The following DHCR7 variants were observed in gnomAD, a reference collection of about 807,000 sequenced individuals.
The protein encoded by DHCR7 is 7-dehydrocholesterol reductase, also known as 7-DHC reductase.
DHCR7 carries 40 observed loss-of-function variants against 43.3 expected under a neutral mutation model. The ratio of observed to expected loss-of-function variants is 0.92; its 90% CI spans 0.72 to 1.20. The LOEUF (loss-of-function observed/expected upper bound fraction) is 1.20. DHCR7 is among the 50% of genes most tolerant of loss of function. The pLI is 0.00. For missense variants in DHCR7, 608 were observed against 644.6 expected (o/e 0.94, Z 0.62); for synonymous variants, 298 against 271.4 (o/e 1.10, Z -0.96).
intron 3 of DHCR7, 78 bp downstream of exon 3, chr11:71,444,777 G>T: frequency 7.8e-7 from 1 of 1,288,214 alleles, no homozygotes; most frequent in Non-Finnish European, 1.1e-6. Flanking sequence ...ATTCCTTTGG[G>T]TCCATACAAT....
intron 5 of DHCR7, 138 bp downstream of exon 5, chr11:71,442,124 TG>T: frequency 1.4e-6 from 1 of 705,308 alleles, no homozygotes; most frequent in Non-Finnish European, 2.5e-6. Context: ...TTTTGAGGCC[TG>T]GTGCTGTGAA....
Position 71,438,891 on chromosome 11 carries a change from G to C in DHCR7, c.819C>G (p.Val273=). The change falls in exon 7 of 9, where the codon GTC becomes GTG. Residue 273 remains valine, a synonymous_variant. Coordinates refer to ENST00000355527, the MANE Select transcript of DHCR7 (RefSeq NM_001360.3). The part of the protein sequence containing the change: ...HSHVTNAMVL[V]NVLQAIYVID... ...CCATGACAGGCACCTGCAGGACGTTGACCAGGACCATGGCATTGGTCACAT... is the reference window on the plus strand; with the variant it reads ...CCATGACAGGCACCTGCAGGACGTTCACCAGGACCATGGCATTGGTCACAT... The C allele has an allele frequency of 1.2e-6, 2 of 1,613,776 alleles. No homozygotes were observed.
At chr11:71,431,109 T>A (rs1291155763), downstream of DHCR7, among the ~76,000 whole-genome samples, 1 of 152,096 alleles carries the variant, frequency 6.6e-6, no homozygotes, top group Non-Finnish European at 1.5e-5. Flanking sequence ...GAGCAGAGAT[T>A]GCGCCACTGC....
chr11:71,428,527 T>C (rs1216121090), exon 3 of DHCR7: 1 of 175,238 alleles, frequency 5.7e-6, no homozygotes, highest in African/African-American at 2.4e-5. Context: ...CTTTTCACGG[T>C]TTTTTTGCAC....
Position 71,444,140 on chromosome 11 carries a change from G to T in DHCR7, c.174C>A (p.Ile58=), listed in dbSNP as rs1280060597. ...LFAPFIVYYF[I]MACDQYSCAL... ...CGCAGCTGTACTGGTCACAAGCCAT[G>T]ATGAAGTAGTAGACGATGAAGGGGG... Residue 58 remains isoleucine (I), a synonymous_variant, in exon 4 of 9, where the codon ATC becomes ATA. Coordinates refer to ENST00000355527, the MANE Select transcript of DHCR7 (RefSeq NM_001360.3). The T allele has an allele frequency of 6.2e-7, 1 of 1,611,860 alleles. No homozygotes were observed. The highest frequency in any genetic ancestry group is 8.5e-7 in the Non-Finnish European group (1 of 1,178,926).
intron 2 of DHCR7, among the ~76,000 whole-genome samples, chr11:71,445,192 G>GTC (rs1272504810): frequency 6.6e-6 from 1 of 152,188 alleles, no homozygotes; most frequent in East Asian, 1.9e-4. Flanking sequence ...GCTCTTGCTA[G>GTC]TCTCAGTTCA....
chr11:71,446,083 A>G (rs1949400263), intron 2 of DHCR7, among the ~76,000 whole-genome samples: 1 of 152,214 alleles, frequency 6.6e-6, no homozygotes, highest in Non-Finnish European at 1.5e-5. Flanking sequence ...GCTATGCAGC[A>G]GGACTAACCA....
At chr11:71,430,808 T>C (rs1168469332), downstream of DHCR7, among the ~76,000 whole-genome samples, 2 of 152,180 alleles carry the variant, frequency 1.3e-5, no homozygotes, top group Admixed American at 6.5e-5. Context: ...CTGGAGTCTT[T>C]ATAGGTACAG....
At chr11:71,431,136 CAG>C, downstream of DHCR7, among the ~76,000 whole-genome samples, 1 of 152,242 alleles carries the variant, frequency 6.6e-6, no homozygotes, top group African/African-American at 2.4e-5. Flanking sequence ...GCCTGGGTGA[CAG>C]AGCAAGACTC....
In DHCR7 at chr11:71,438,870, G is replaced by C; in HGVS notation, c.831+9C>G. 6.2e-7 allele frequency: 1 copy of C among 1,613,520 alleles called. No homozygotes were observed. Among genetic ancestry groups the C allele is most frequent in the South Asian group, 1.1e-5 (1 of 91,066 alleles). On this transcript the variant is annotated intron_variant, in intron 7 of 8. Coordinates refer to ENST00000355527, the MANE Select transcript of DHCR7 (RefSeq NM_001360.3). ...TCGGCGTTTCACCCTCTCCAGCCAT[G>C]ACAGGCACCTGCAGGACGTTGACCA...
At position 71,443,985 on chromosome 11, in the gene DHCR7, C is replaced by A. The variant is rs2135946938; in HGVS notation, c.321+8G>T. 1 of 1,608,062 alleles carries A rather than the reference C, an allele frequency of 6.2e-7. No individual in the cohort carries two copies. The highest frequency in any genetic ancestry group is 8.5e-7 in the Non-Finnish European group (1 of 1,176,882). On this transcript the variant is annotated splice_region_variant and intron_variant, in intron 4 of 8. Transcript: ENST00000355527. Reference sequence around the variant, plus strand: ...CTGTGTCCCAACCCCAGGGCAGGGGCTGCTGACCTGGAAGGTGACCCACAA... The same window carrying A: ...CTGTGTCCCAACCCCAGGGCAGGGGATGCTGACCTGGAAGGTGACCCACAA...
intron 2 of DHCR7, chr11:71,428,988 G>C (rs1425692550): frequency 8.0e-6 from 3 of 376,588 alleles, no homozygotes; most frequent in Non-Finnish European, 1.0e-5. Context: ...TTCCAAGTGT[G>C]CTCAGGGGTA....
At chr11:71,446,034 C>T (rs1192420260) in intron 2 of DHCR7, among the ~76,000 whole-genome samples, 1 of 152,044 alleles carries the variant, frequency 6.6e-6, no homozygotes, top group Non-Finnish European at 1.5e-5. Flanking sequence ...CTGCTGAAGC[C>T]ATGTCCACAA....
chr11:71,433,131 G>A (rs1334665802), downstream of DHCR7, among the ~76,000 whole-genome samples: 4 of 152,236 alleles, frequency 2.6e-5, no homozygotes, highest in South Asian at 6.2e-4. Flanking sequence ...AGTTCAGATG[G>A]CCCTGGCAAT....
chr11:71,444,464 C>T (rs978183459), intron 3 of DHCR7, among the ~76,000 whole-genome samples: 2 of 152,134 alleles, frequency 1.3e-5, no homozygotes, highest in South Asian at 2.1e-4. Flanking sequence ...AGAATATGAG[C>T]GGAGGTAGGT....
At chr11:71,447,895 A>G (rs1236996336) in intron 1 of DHCR7, 161 bp from the exon 2 acceptor site, 1 of 152,356 alleles carries the variant, frequency 6.6e-6, no homozygotes, top group Non-Finnish European at 1.5e-5. Flanking sequence ...AGCCAGTCCC[A>G]TCGCAAAGCT....
intron 8 of DHCR7, among the ~76,000 whole-genome samples, chr11:71,437,455 C>A (rs1277628770): frequency 2.0e-5 from 3 of 152,130 alleles, no homozygotes; most frequent in Non-Finnish European, 2.9e-5. Flanking sequence ...CACTTGCTAT[C>A]CCCTACTGTC....
In DHCR7 at chr11:71,435,362, C is replaced by G; in HGVS notation, c.*13G>C. The G allele has an allele frequency of 6.2e-7, 1 of 1,610,578 alleles. No homozygotes were observed. The highest frequency in any genetic ancestry group is 2.2e-5 in the East Asian group (1 of 44,870). On this transcript the variant is annotated 3_prime_UTR_variant, in exon 9 of 9. Transcript: ENST00000355527. Reference sequence around the variant, plus strand: ...CTTGACAGCCCCACAGGGCTTCTCCCTAGGGCGTGCCCTTAGAAGATTCCA... The same window carrying G: ...CTTGACAGCCCCACAGGGCTTCTCCGTAGGGCGTGCCCTTAGAAGATTCCA...
chr11:71,442,371 C>A lies in DHCR7; in HGVS notation c.322-18G>T, dbSNP rs1438650403. Reference sequence around the variant, plus strand: ...AGAAGCACCTGAAACACACAAGCAGCCTGATCACCCCCCGCCTGGAGGGCA... The same window carrying A: ...AGAAGCACCTGAAACACACAAGCAGACTGATCACCCCCCGCCTGGAGGGCA... On this transcript the variant is annotated intron_variant, in intron 4 of 8. Coordinates refer to ENST00000355527, the MANE Select transcript of DHCR7 (RefSeq NM_001360.3). 1 of 1,596,216 alleles carries A rather than the reference C, an allele frequency of 6.3e-7. No individual in the cohort carries two copies. Among genetic ancestry groups the A allele is most frequent in the Admixed American group, 1.7e-5 (1 of 59,850 alleles).
Sources: gnomAD v4.1 joint callset for allele counts (sites outside exome capture counted in the v4.1 genomes callset) on GRCh38, gnomAD v4.1.1 for gene constraint, MANE v1.5 for transcripts, NCBI Gene and HGNC (gene_info 2026-07-23, HGNC 2026-07-21) for gene names.